MRTFB: variants seen among roughly 807,000 people sequenced by gnomAD.
MRTFB encodes the protein myocardin related transcription factor B.
In MRTFB, 29 loss-of-function variants were observed where a neutral mutation model predicts 104.2. That is an observed-to-expected ratio of 0.28 (90% CI 0.21 to 0.38). MRTFB has a LOEUF of 0.38. MRTFB is among the 10% of genes least tolerant of loss of function. The pLI, the probability that MRTFB is intolerant of heterozygous loss-of-function variation, is 1.00. For missense variants in MRTFB, 1,270 were observed against 1,341.6 expected, an observed-to-expected ratio of 0.95 and a Z score of 0.83; for synonymous variants, 535 against 519.5, an observed-to-expected ratio of 1.03 and a Z score of -0.41.
chr16:14,217,804 A>G (rs2041493067), intron 7 of MRTFB, among the ~76,000 whole-genome samples: 2 of 152,254 alleles, frequency 1.3e-5, no homozygotes, highest in African/African-American at 4.8e-5. Context: ...TCTAGGAAAT[A>G]TAAATAGCAT....
intron 10 of MRTFB, among the ~76,000 whole-genome samples, chr16:14,244,181 C>T (rs761837134): frequency 3.3e-5 from 5 of 152,182 alleles, no homozygotes; most frequent in Non-Finnish European, 7.3e-5. Context: ...TACACGCAAT[C>T]TTACAGTACA....
At chr16:14,256,187 A>C (rs2043479534) in intron 15 of MRTFB, among the ~76,000 whole-genome samples, 3 of 144,790 alleles carry the variant, frequency 2.1e-5, no homozygotes, top group South Asian at 4.3e-4. Context: ...AAAGAAAAAC[A>C]GGATAACAAA....
intron 3 of MRTFB, among the ~76,000 whole-genome samples, chr16:14,174,633 A>C (rs1296170989): frequency 2.0e-5 from 3 of 152,190 alleles, no homozygotes; most frequent in African/African-American, 7.2e-5. Flanking sequence ...TGGTGAGCCA[A>C]AATCACACGA....
At chr16:14,058,543 C>G in the MRTFB span, among the ~76,000 whole-genome samples, 2 of 152,018 alleles carry the variant, frequency 1.3e-5, no homozygotes, top group African/African-American at 2.4e-5. Context: ...ATCTGGGAAA[C>G]AGGTCAAGAA....
chr16:14,250,820 G>A (rs772721223), intron 13 of MRTFB, among the ~76,000 whole-genome samples: 9 of 152,188 alleles, frequency 5.9e-5, no homozygotes, highest in African/African-American at 1.7e-4. Context: ...TTCAAGCGGC[G>A]TCGCTGAGAT....
chr16:14,014,787 TGAA>T, the MRTFB span, among the ~76,000 whole-genome samples: 7 of 152,166 alleles, frequency 4.6e-5, no homozygotes, highest in African/African-American at 1.7e-4. Context: ...GAGAATTGCT[TGAA>T]CCCAGAAGGC....
At chr16:14,224,927 G>A (rs2041930555) in intron 8 of MRTFB, among the ~76,000 whole-genome samples, 1 of 152,206 alleles carries the variant, frequency 6.6e-6, no homozygotes, top group Admixed American at 6.5e-5. Context: ...GCTTACACCT[G>A]TAATCCCAGC....
At chr16:14,149,487 G>A (rs868769340) in intron 3 of MRTFB, 2 of 152,154 alleles carry the variant, frequency 1.3e-5, no homozygotes. Flanking sequence ...TCCTGACATA[G>A]CAGTTAAGAA....
chr16:14,218,976 TGACTAC>T lies in MRTFB; in HGVS notation c.672_677del (p.Thr225_Thr226del). On this transcript the variant is annotated inframe_deletion, in exon 8 of 17. Transcript: ENST00000571589. ...AAAGTTAGTGAATCGCCATCTCCTG[TGACTAC>T]AAACACTCCAGCGCAGGTATTATCT... 1 of 1,613,972 alleles carries T rather than the reference TGACTAC, an allele frequency of 6.2e-7. No homozygotes were observed. Among genetic ancestry groups the T allele is most frequent in the Non-Finnish European group, 8.5e-7 (1 of 1,179,926 alleles).
rs114283484 is a variant in MRTFB at position 14,258,108 on chromosome 16, A to C, written c.2711A>C (p.Asn904Thr). ...TACTCTCCTTCATTGTAGATTTCCAACGCTCACAGTCAGCAGATGGATGAC... is the reference window on the plus strand; with the variant it reads ...TACTCTCCTTCATTGTAGATTTCCACCGCTCACAGTCAGCAGATGGATGAC... ...STQAPLPEIS[N>T]AHSQQMDDLF... Residue 904 changes from asparagine (N) to threonine (T), a missense_variant, in exon 16 of 17, where the codon AAC (asparagine) becomes ACC (threonine). Asn to Thr is a moderately conservative substitution (Grantham distance 65, BLOSUM62 0). This residue lies in a region of MRTFB where 1,144 missense variants were observed against 1,131.5 expected (regional missense o/e 1.01). Coordinates refer to ENST00000571589, the MANE Select transcript of MRTFB (RefSeq NM_001308142.2). 23 of 1,613,768 alleles carry C rather than the reference A, an allele frequency of 1.4e-5. No individual in the cohort carries two copies. In the Admixed American group the frequency reaches 3.5e-4, roughly 25 times the overall value.
At chr16:14,018,264 C>A in the MRTFB span, among the ~76,000 whole-genome samples, 2 of 152,046 alleles carry the variant, frequency 1.3e-5, no homozygotes, top group African/African-American at 4.8e-5. Flanking sequence ...TGAACTTGGG[C>A]CTCTCTGAGC....
At chr16:14,024,161 CCTT>C in the MRTFB span, among the ~76,000 whole-genome samples, 1 of 152,062 alleles carries the variant, frequency 6.6e-6, no homozygotes. Context: ...TGTTCACAGC[CCTT>C]CTTACCATTT....
In MRTFB at chr16:14,260,892, T is replaced by C; in HGVS notation, c.2765-17T>C. The C allele has an allele frequency of 6.4e-7, 1 of 1,566,786 alleles. No homozygotes were observed. The highest frequency in any genetic ancestry group is 1.7e-4 in the Middle Eastern group (1 of 5,820). ...AGTAAATCTTCAGTTACTAATTACT[T>C]CATTTATTTTACACAGAGATCTCCC... On this transcript the variant is annotated splice_polypyrimidine_tract_variant and intron_variant, in intron 16 of 16. Coordinates refer to ENST00000571589, the MANE Select transcript of MRTFB (RefSeq NM_001308142.2).
At chr16:14,000,475 A>G in the MRTFB span, among the ~76,000 whole-genome samples, 1 of 152,334 alleles carries the variant, frequency 6.6e-6, no homozygotes, top group Non-Finnish European at 1.5e-5. Flanking sequence ...GGGTCTCCCC[A>G]TTTCCCAGTT....
chr16:14,193,010 C>G (rs1462327604), intron 3 of MRTFB, among the ~76,000 whole-genome samples: 6 of 152,180 alleles, frequency 3.9e-5, no homozygotes, highest in East Asian at 1.9e-4. Context: ...TCACGGCCAA[C>G]AGCCCTGTCC....
chr16:14,101,988 T>C (rs2035728140), intron 2 of MRTFB, among the ~76,000 whole-genome samples: 1 of 152,168 alleles, frequency 6.6e-6, no homozygotes, highest in African/African-American at 2.4e-5. Flanking sequence ...GAAAAATACA[T>C]AACAGCTGTT....
At chr16:14,194,710 T>C (rs936445394) in intron 3 of MRTFB, among the ~76,000 whole-genome samples, 1 of 151,776 alleles carries the variant, frequency 6.6e-6, no homozygotes. Flanking sequence ...TTCTTTTTTT[T>C]TTTTTTTTTT....
intron 11 of MRTFB, among the ~76,000 whole-genome samples, chr16:14,245,906 G>C (rs926033116): frequency 6.6e-6 from 1 of 152,162 alleles, no homozygotes; most frequent in South Asian, 2.1e-4. Flanking sequence ...GATTCCAGAG[G>C]CTGTGATTTT....
intron 3 of MRTFB, among the ~76,000 whole-genome samples, chr16:14,201,734 A>G (rs949225153): frequency 1.3e-5 from 2 of 152,336 alleles, no homozygotes; most frequent in African/African-American, 4.8e-5. Context: ...CTAAAAGAGC[A>G]TTATTCTCAT....
Sources: allele counts gnomAD v4.1 joint callset (sites outside exome capture counted in the v4.1 genomes callset), GRCh38; gene constraint gnomAD v4.1.1; regional missense constraint gnomAD v4.1.1; transcripts MANE v1.5; gene names NCBI Gene and HGNC (gene_info 2026-07-23, HGNC 2026-07-21).